TTC27: variants seen among roughly 807,000 people sequenced by gnomAD.
The protein encoded by TTC27 is tetratricopeptide repeat protein 27.
TTC27 carries 79 observed loss-of-function variants against 115.9 expected under a neutral mutation model. The ratio of observed to expected loss-of-function variants is 0.68; its 90% CI spans 0.57 to 0.82. The LOEUF is 0.82. TTC27 is among the 40% of genes least tolerant of loss of function. The pLI is 0.00. For missense variants in TTC27, 1,054 were observed against 993.1 expected (o/e 1.06, Z -0.82); for synonymous variants, 401 against 356.0 (o/e 1.13, Z -1.42).
At chr2:32,669,387 C>T (rs1163487935) in intron 7 of TTC27, among the ~76,000 whole-genome samples, 1 of 152,168 alleles carries the variant, frequency 6.6e-6, no homozygotes, top group Non-Finnish European at 1.5e-5. Context: ...AAGTTGTATG[C>T]TGTAGGTATG....
At position 32,746,563 on chromosome 2, in the gene TTC27, C is replaced by CAAAAAAAAAAAAA. The variant is rs770621313; in HGVS notation, c.1452+9754_1452+9766dup. Among the ~76,000 whole-genome samples, 94 of 46,260 alleles carry CAAAAAAAAAAAAA rather than the reference C, an allele frequency of 2.0e-3. 4 individuals are homozygous for CAAAAAAAAAAAAA. Among genetic ancestry groups the CAAAAAAAAAAAAA allele is most frequent in the Non-Finnish European group, 2.7e-3 (74 of 27,668 alleles). 30.3% of individuals were successfully genotyped at this position (46,260 alleles called of 152,430 possible). A position where few individuals can be genotyped will look rare whatever the true frequency, so the allele number is the denominator to read the frequency against. On this transcript the variant is annotated intron_variant, in intron 12 of 19. Coordinates refer to ENST00000317907, the MANE Select transcript of TTC27 (RefSeq NM_017735.5). ...TGGCAATAAGAGTGAAACTCCATCT[C>CAAAAAAAAAAAAA]AAAAAAAAAAAAAAAAAAAGAATGC...
chr2:32,662,562 T>A (rs544459767), intron 5 of TTC27, among the ~76,000 whole-genome samples: 2 of 151,748 alleles, frequency 1.3e-5, no homozygotes, highest in African/African-American at 4.8e-5. Context: ...GCATAGAGGT[T>A]TTTATAGTAT....
At chr2:32,771,225 G>A (rs1669818943) in intron 13 of TTC27, among the ~76,000 whole-genome samples, 1 of 152,190 alleles carries the variant, frequency 6.6e-6, no homozygotes, top group African/African-American at 2.4e-5. Flanking sequence ...GAAAATTAGA[G>A]CCAGTATATG....
At chr2:32,675,844 T>C (rs1209512385) in intron 8 of TTC27, among the ~76,000 whole-genome samples, 1 of 151,930 alleles carries the variant, frequency 6.6e-6, no homozygotes, top group East Asian at 1.9e-4. Flanking sequence ...CAGGCTAGAG[T>C]ACAATGGTGC....
chr2:32,744,166 C>T (rs1228818751), intron 12 of TTC27, among the ~76,000 whole-genome samples: 10 of 152,180 alleles, frequency 6.6e-5, no homozygotes. Flanking sequence ...CTATGTGGCT[C>T]TCATATTTAC....
intron 2 of TTC27, among the ~76,000 whole-genome samples, chr2:32,632,980 C>T (rs896963634): frequency 5.3e-5 from 8 of 152,218 alleles, no homozygotes; most frequent in African/African-American, 1.9e-4. Flanking sequence ...CCCTGTCTCA[C>T]ATCACAGCAA....
chr2:32,745,075 A>AC (rs1668773948), intron 12 of TTC27, among the ~76,000 whole-genome samples: 1 of 151,172 alleles, frequency 6.6e-6, no homozygotes, highest in African/African-American at 2.4e-5. Flanking sequence ...AAAAAAAAAA[A>AC]AAAAAAGCAC....
chr2:32,642,670 GT>G (rs796409531), intron 4 of TTC27, among the ~76,000 whole-genome samples: 87 of 151,660 alleles, frequency 5.7e-4, no homozygotes, highest in African/African-American at 1.8e-3. Context: ...TTGTTTGTTT[GT>G]TTTGTTTTTT....
rs142292131 is a variant in TTC27, at chr2:32,726,513, C to T, written c.1234-7315C>T. 1.0e-2 allele frequency among the ~76,000 whole-genome samples: 1,518 copies of T among 152,286 alleles called. 17 individuals are homozygous for T. The highest frequency in any genetic ancestry group is 0.012 in the Non-Finnish European group (807 of 68,026). On this transcript the variant is annotated intron_variant, in intron 10 of 19. Transcript: ENST00000317907. ...CCTTTGCTCTAGTTCCCAACAAGTT[C>T]CTCATCTCCATCTGAGACCACCTCA...
intron 16 of TTC27, among the ~76,000 whole-genome samples, chr2:32,794,968 C>G (rs926584420): frequency 2.0e-5 from 3 of 151,926 alleles, no homozygotes; most frequent in African/African-American, 7.2e-5. Flanking sequence ...CAAAGAAAAG[C>G]CGTGGACCTG....
intron 12 of TTC27, among the ~76,000 whole-genome samples, chr2:32,741,343 ACCTGTGT>A (rs1668628525): frequency 6.6e-6 from 1 of 151,998 alleles, no homozygotes; most frequent in Non-Finnish European, 1.5e-5. Context: ...TAAGAACCAG[ACCTGTGT>A]CAACAGCTGT....
chr2:32,673,183 T>G (rs1219007523), intron 8 of TTC27, among the ~76,000 whole-genome samples: 1 of 152,026 alleles, frequency 6.6e-6, no homozygotes, highest in African/African-American at 2.4e-5. Flanking sequence ...CAATTTGAGT[T>G]TGTCTGATTT....
intron 14 of TTC27, 68 bp from the exon 15 acceptor site, chr2:32,782,558 C>A: frequency 7.1e-7 from 1 of 1,415,588 alleles, no homozygotes; most frequent in Non-Finnish European, 9.9e-7. Context: ...GTGTGTTGTA[C>A]TTTTGGTTTA....
At chr2:32,788,385 C>T (rs1219842071) in intron 16 of TTC27, among the ~76,000 whole-genome samples, 2 of 146,228 alleles carry the variant, frequency 1.4e-5, no homozygotes, top group Admixed American at 6.8e-5. Context: ...GTTTACACAC[C>T]AAGTCAGAAA....
At chr2:32,718,016 T>C (rs1021864212) in intron 10 of TTC27, among the ~76,000 whole-genome samples, 1 of 152,164 alleles carries the variant, frequency 6.6e-6, no homozygotes, top group Admixed American at 6.5e-5. Flanking sequence ...TTGTATGAAT[T>C]AATATTTAGA....
intron 13 of TTC27, among the ~76,000 whole-genome samples, chr2:32,775,362 T>C (rs1669960545): frequency 6.6e-6 from 1 of 152,056 alleles, no homozygotes; most frequent in Admixed American, 6.5e-5. Flanking sequence ...CACGCCCGGC[T>C]AATTTTTTTG....
chr2:32,671,487 G>C (rs964256738), intron 7 of TTC27, among the ~76,000 whole-genome samples: 3 of 152,104 alleles, frequency 2.0e-5, no homozygotes, highest in Admixed American at 1.3e-4. Context: ...CACCTAGGTA[G>C]CTATATTGAA....
chr2:32,766,962 T>C (rs1369219880), intron 13 of TTC27, among the ~76,000 whole-genome samples: 1 of 152,092 alleles, frequency 6.6e-6, no homozygotes. Flanking sequence ...ATTTTTGTAT[T>C]TTTTGTAGAG....
At chr2:32,726,031 C>G (rs907278886) in intron 10 of TTC27, among the ~76,000 whole-genome samples, 6 of 152,072 alleles carry the variant, frequency 3.9e-5, no homozygotes, top group South Asian at 2.1e-4. Flanking sequence ...GGCTGGGACA[C>G]AGGGCACCAA....
Sources: gnomAD v4.1 joint callset for allele counts (sites outside exome capture counted in the v4.1 genomes callset) on GRCh38, gnomAD v4.1.1 for gene constraint, MANE v1.5 for transcripts, NCBI Gene and HGNC (gene_info 2026-07-23, HGNC 2026-07-21) for gene names.